NRCAM: variants seen among roughly 807,000 people sequenced by gnomAD.
The protein encoded by NRCAM is neuronal cell adhesion molecule.
A neutral mutation model predicts 156.5 loss-of-function variants in NRCAM; 83 were observed. The observed-to-expected ratio is 0.53, with a 90% CI of 0.44 to 0.64. The LOEUF is 0.64. NRCAM is among the 30% of genes least tolerant of loss of function. The probability of loss-of-function intolerance (pLI) is 0.00; values close to 1 mark genes in which losing one functional copy is unlikely to be tolerated. For missense variants in NRCAM, 1,417 were observed against 1,597.3 expected (o/e 0.89, Z 1.92); for synonymous variants, 538 against 563.9 (o/e 0.95, Z 0.65).
At chr7:108,419,654 T>C (rs965110540) in intron 1 of NRCAM, among the ~76,000 whole-genome samples, 1 of 152,220 alleles carries the variant, frequency 6.6e-6, no homozygotes, top group African/African-American at 2.4e-5. Context: ...GGCACTTCTT[T>C]TCTCTCAGAA....
At chr7:108,158,049 T>A (rs1338115482) in intron 32 of NRCAM, among the ~76,000 whole-genome samples, 1 of 152,112 alleles carries the variant, frequency 6.6e-6, no homozygotes, top group Non-Finnish European at 1.5e-5. Flanking sequence ...GAGAAACATG[T>A]AGAAGGGTGA....
At chr7:108,237,722 C>T in intron 5 of NRCAM, 30 bp downstream of exon 5, 2 of 1,536,186 alleles carry the variant, frequency 1.3e-6, no homozygotes, top group African/African-American at 1.4e-5. Context: ...CATTTTCACA[C>T]TGCCTAGTAA....
At chr7:108,343,276 T>C (rs1483586318) in intron 2 of NRCAM, among the ~76,000 whole-genome samples, 1 of 152,202 alleles carries the variant, frequency 6.6e-6, no homozygotes, top group Non-Finnish European at 1.5e-5. Context: ...TAAGTATGCT[T>C]ACCTAGTCCT....
In NRCAM at chr7:108,189,968, G is replaced by A. The variant is rs921334429; in HGVS notation, c.1934-222C>T. Among the ~76,000 whole-genome samples the A allele has an allele frequency of 2.0e-5, 3 of 152,116 alleles. No individual in the cohort carries two copies. In the East Asian group the frequency reaches 5.8e-4, roughly 29 times the overall value. On this transcript the variant is annotated intron_variant, in intron 19 of 32. Transcript: ENST00000379028. ...AGTTCTGCTCACTTGTTTTTCAAAG[G>A]AAACGAAAGCATTTGTAACCAAACC...
At chr7:108,227,649 T>A (rs946249835) in intron 8 of NRCAM, among the ~76,000 whole-genome samples, 1 of 151,710 alleles carries the variant, frequency 6.6e-6, no homozygotes, top group Non-Finnish European at 1.5e-5. Context: ...CTAATGGACA[T>A]CCTGAAGCTC....
chr7:108,182,657 T>C (rs2064181792), intron 23 of NRCAM, 38 bp downstream of exon 23: 4 of 1,589,560 alleles, frequency 2.5e-6, no homozygotes, highest in East Asian at 2.2e-5. Flanking sequence ...TTGGTAAGTC[T>C]GTTTTGCTGG....
At chr7:108,232,994 G>A (rs1273266267) in intron 6 of NRCAM, among the ~76,000 whole-genome samples, 1 of 152,178 alleles carries the variant, frequency 6.6e-6, no homozygotes, top group East Asian at 1.9e-4. Flanking sequence ...ACCAAATTGT[G>A]AAGTGTAGGT....
At position 108,256,899 on chromosome 7, in the gene NRCAM, C is replaced by T. The variant is rs551784198; in HGVS notation, c.-106-16729G>A. ...TAGTGCACGCCTATAATCCCAGTTA[C>T]TCTGGTGGCTAAGGCACAAGAATCA... On this transcript the variant is annotated intron_variant, in intron 3 of 32. Coordinates refer to ENST00000379028, the MANE Select transcript of NRCAM (RefSeq NM_001037132.4). Among the ~76,000 whole-genome samples, 4 of 151,574 alleles carry T rather than the reference C, an allele frequency of 2.6e-5. No homozygotes were observed. The South Asian group carries it at 8.3e-4, about 32-fold the overall frequency.
At chr7:108,369,719 C>G (rs564271662) in intron 2 of NRCAM, among the ~76,000 whole-genome samples, 1 of 152,156 alleles carries the variant, frequency 6.6e-6, no homozygotes, top group Non-Finnish European at 1.5e-5. Context: ...ATGGCTTATC[C>G]ATCTTTAAAT....
chr7:108,170,015 C>T (rs917069422), intron 28 of NRCAM, among the ~76,000 whole-genome samples: 6 of 152,098 alleles, frequency 3.9e-5, no homozygotes, highest in Non-Finnish European at 5.9e-5. Context: ...CTTCTCTAAA[C>T]TGTTCATTAT....
intron 3 of NRCAM, among the ~76,000 whole-genome samples, chr7:108,290,757 T>A (rs2098263883): frequency 6.6e-6 from 1 of 152,224 alleles, no homozygotes; most frequent in South Asian, 2.1e-4. Flanking sequence ...TGACTATCCA[T>A]TATGTCTTTT....
intron 3 of NRCAM, among the ~76,000 whole-genome samples, chr7:108,258,953 G>A (rs1296914630): frequency 6.6e-6 from 1 of 152,168 alleles, no homozygotes; most frequent in African/African-American, 2.4e-5. Flanking sequence ...GCAGCCATTA[G>A]TCAAATGTGG....
chr7:108,197,205 A>G (rs2075605350), intron 14 of NRCAM, among the ~76,000 whole-genome samples: 1 of 152,204 alleles, frequency 6.6e-6, no homozygotes, highest in African/African-American at 2.4e-5. Flanking sequence ...TCAGCAGCCA[A>G]AAGTGCTTTC....
At chr7:108,227,579 T>C (rs1478205742) in intron 8 of NRCAM, among the ~76,000 whole-genome samples, 1 of 152,186 alleles carries the variant, frequency 6.6e-6, no homozygotes, top group Non-Finnish European at 1.5e-5. Flanking sequence ...ATTTTCTAAG[T>C]GGATGAAGGA....
intron 1 of NRCAM, among the ~76,000 whole-genome samples, chr7:108,423,516 G>A (rs1813009757): frequency 6.6e-6 from 1 of 152,172 alleles, no homozygotes; most frequent in Non-Finnish European, 1.5e-5. Flanking sequence ...TGTGCTTTGA[G>A]CTTGCTTTAA....
chr7:108,374,647 T>C lies in NRCAM; in HGVS notation c.-174+24789A>G, dbSNP rs528588040. Reference sequence around the variant, plus strand: ...TTTCAATTCAACAAACACTGAGCTATGAGTAGGATGCTGTGCTAAATACTG... The same window carrying C: ...TTTCAATTCAACAAACACTGAGCTACGAGTAGGATGCTGTGCTAAATACTG... On this transcript the variant is annotated intron_variant, in intron 2 of 32. Transcript: ENST00000379028. Among the ~76,000 whole-genome samples, 12 of 152,204 alleles carry C rather than the reference T, an allele frequency of 7.9e-5. No individual in the cohort carries two copies. The South Asian group carries it at 2.5e-3, about 32-fold the overall frequency.
chr7:108,162,306 C>CAA (rs2049611607), intron 30 of NRCAM, among the ~76,000 whole-genome samples: 1 of 152,096 alleles, frequency 6.6e-6, no homozygotes, highest in Admixed American at 6.5e-5. Flanking sequence ...CTGAGACAGG[C>CAA]AAAAAGGTAT....
chr7:108,353,975 T>C (rs2099455301), intron 2 of NRCAM, among the ~76,000 whole-genome samples: 1 of 152,234 alleles, frequency 6.6e-6, no homozygotes, highest in Non-Finnish European at 1.5e-5. Context: ...TCGTTTAATG[T>C]TTTAAAGTTT....
chr7:108,353,049 T>C (rs530283034), intron 2 of NRCAM, among the ~76,000 whole-genome samples: 58 of 135,572 alleles, frequency 4.3e-4, no homozygotes, highest in Admixed American at 1.7e-3. Flanking sequence ...CATGTGCTCA[T>C]TGTAAAAAAA....
Sources: gnomAD v4.1 joint callset for allele counts (sites outside exome capture counted in the v4.1 genomes callset) on GRCh38, gnomAD v4.1.1 for gene constraint, MANE v1.5 for transcripts, NCBI Gene and HGNC (gene_info 2026-07-23, HGNC 2026-07-21) for gene names.